CHD1L: variants seen among roughly 807,000 people sequenced by gnomAD.
CHD1L encodes the protein chromodomain helicase DNA binding protein 1 like.
Under a neutral mutation model 115.9 loss-of-function variants are expected in CHD1L, and 118 were observed. The observed-to-expected ratio is 1.02, with a 90% CI of 0.88 to 1.19. The LOEUF (loss-of-function observed/expected upper bound fraction) is 1.19. Among genes scored for constraint, CHD1L ranks in the 50% most tolerant of loss-of-function variants. The pLI is 0.00. For synonymous variants in CHD1L, 411 were observed against 387.1 expected (o/e 1.06, Z -0.72); for missense variants, 1,179 against 1,065.3 (o/e 1.11, Z -1.49).
chr1:147,261,881 A>G (rs1672059112), intron 6 of CHD1L, among the ~76,000 whole-genome samples: 1 of 152,022 alleles, frequency 6.6e-6, no homozygotes, highest in South Asian at 2.1e-4. Flanking sequence ...TCCCCCTAAT[A>G]TTGTTTTCAG....
At chr1:147,219,856 T>TG in the CHD1L span, among the ~76,000 whole-genome samples, 1 of 150,550 alleles carries the variant, frequency 6.6e-6, no homozygotes, top group East Asian at 1.9e-4. Flanking sequence ...TTTTTTTTTT[T>TG]GAGACAGAGT....
In CHD1L at chr1:147,276,346, T is replaced by A; in HGVS notation, c.1539+89T>A. 2.1e-5 allele frequency: 14 copies of A among 674,436 alleles called. No homozygotes were observed. The South Asian group carries it at 2.7e-4, about 13-fold the overall frequency. The allele number at this position is 674,436 out of a possible 1,614,324, so 41.8% of individuals were successfully genotyped here. On this transcript the variant is annotated intron_variant, in intron 14 of 22. Coordinates refer to ENST00000369258, the MANE Select transcript of CHD1L (RefSeq NM_004284.6). ...AAATGAAAAGAACCAGCACTCACCCTCTCCCCAGCTACACATTTGTTCCTT... is the reference window on the plus strand; with the variant it reads ...AAATGAAAAGAACCAGCACTCACCCACTCCCCAGCTACACATTTGTTCCTT...
At chr1:147,188,907 G>A in the CHD1L span, among the ~76,000 whole-genome samples, 1 of 152,100 alleles carries the variant, frequency 6.6e-6, no homozygotes, top group Non-Finnish European at 1.5e-5. Context: ...ACTGCAAGAA[G>A]GAAGAAATGT....
At chr1:147,179,057 G>A in the CHD1L span, 3 of 1,613,778 alleles carry the variant, frequency 1.9e-6, no homozygotes, top group Non-Finnish European at 2.5e-6. Flanking sequence ...TCTGATTTTG[G>A]CTTGGAGAGC....
chr1:147,253,364 A>G lies in CHD1L; in HGVS notation c.240+629A>G, dbSNP rs146000787. Among the ~76,000 whole-genome samples the G allele has an allele frequency of 2.0e-3, 309 of 152,368 alleles. 1 individual carries two copies. Among genetic ancestry groups the G allele is most frequent in the Middle Eastern group, 0.017 (5 of 294 alleles). ...GTTTTAATTCAATAAGCCACTTATTAAAGAATGGTTCCTGGCACAGCTTGG... is the reference window on the plus strand; with the variant it reads ...GTTTTAATTCAATAAGCCACTTATTGAAGAATGGTTCCTGGCACAGCTTGG... On this transcript the variant is annotated intron_variant, in intron 2 of 22. Transcript: ENST00000369258.
chr1:147,232,960 A>G, the CHD1L span, among the ~76,000 whole-genome samples: 1 of 150,422 alleles, frequency 6.6e-6, no homozygotes, highest in Non-Finnish European at 1.5e-5. Flanking sequence ...CTGGCCACCC[A>G]TCGTCTGGGA....
chr1:147,180,319 G>A, the CHD1L span, among the ~76,000 whole-genome samples: 1 of 152,048 alleles, frequency 6.6e-6, no homozygotes, highest in East Asian at 1.9e-4. Context: ...TTGAGACAGA[G>A]TCTTGCTCTG....
the CHD1L span, among the ~76,000 whole-genome samples, chr1:147,187,976 A>G: frequency 6.6e-6 from 1 of 152,196 alleles, no homozygotes; most frequent in Non-Finnish European, 1.5e-5. Context: ...AGTCAAGCCA[A>G]TTGAGATTGA....
chr1:147,197,003 C>G, the CHD1L span, among the ~76,000 whole-genome samples: 1 of 152,170 alleles, frequency 6.6e-6, no homozygotes, highest in East Asian at 1.9e-4. Context: ...AACATATCTT[C>G]TAAACTGGAG....
chr1:147,181,458 C>A, the CHD1L span, among the ~76,000 whole-genome samples: 1 of 152,106 alleles, frequency 6.6e-6, no homozygotes, highest in Non-Finnish European at 1.5e-5. Context: ...CGATTGTTTC[C>A]ATTTTCTTAG....
At chr1:147,185,545 G>A in the CHD1L span, among the ~76,000 whole-genome samples, 1 of 152,106 alleles carries the variant, frequency 6.6e-6, no homozygotes, top group Non-Finnish European at 1.5e-5. Context: ...CGGTGAAAGG[G>A]CCGGCAATTG....
chr1:147,251,047 C>A (rs781971139), intron 1 of CHD1L, among the ~76,000 whole-genome samples: 3 of 152,182 alleles, frequency 2.0e-5, no homozygotes, highest in Non-Finnish European at 4.4e-5. Flanking sequence ...CATTTGCCTT[C>A]CACCATGATT....
intron 15 of CHD1L, 89 bp downstream of exon 15, chr1:147,280,280 G>A: frequency 7.4e-7 from 1 of 1,354,456 alleles, no homozygotes; most frequent in Non-Finnish European, 9.9e-7. Flanking sequence ...GCTGCTCTCT[G>A]GGGCATCTTT....
chr1:147,254,924 C>G lies in CHD1L; in HGVS notation c.295C>G (p.Leu99Val). The G allele has an allele frequency of 6.2e-7, 1 of 1,611,704 alleles. No individual in the cohort carries two copies. The highest frequency in any genetic ancestry group is 1.7e-5 in the Admixed American group (1 of 59,400). The change falls in exon 3 of 23, where the codon CTG (leucine) becomes GTG (valine). Residue 99 changes from leucine to valine, a missense_variant. Physicochemically the swap from Leu to Val is conservative, Grantham distance 32. Transcript: ENST00000369258. Reference protein sequence around the residue: ...AGRLNDEGPFLILCPLSVLSN... With the variant: ...AGRLNDEGPFVILCPLSVLSN... ...AAGATTAAATGATGAAGGGCCATTT[C>G]TGATTCTTTGTCCCTTGTCTGTTTT...
intron 14 of CHD1L, among the ~76,000 whole-genome samples, chr1:147,277,009 A>C (rs1428842297): frequency 6.6e-6 from 1 of 152,184 alleles, no homozygotes; most frequent in Non-Finnish European, 1.5e-5. Flanking sequence ...AAAAGAAGGA[A>C]GGACAGGAGT....
chr1:147,281,061 ATCGC>A (rs1416305846), intron 15 of CHD1L, among the ~76,000 whole-genome samples: 2 of 152,140 alleles, frequency 1.3e-5, no homozygotes, highest in African/African-American at 4.8e-5. Context: ...GTGAATTTCC[ATCGC>A]TCGCTTTCTC....
chr1:147,247,363 T>C (rs1480719262), intron 1 of CHD1L, among the ~76,000 whole-genome samples: 1 of 152,102 alleles, frequency 6.6e-6, no homozygotes, highest in Admixed American at 6.5e-5. Flanking sequence ...AGATTAATGC[T>C]CTCCCTGAGC....
chr1:147,272,113 T>C (rs1317797018), intron 11 of CHD1L, 58 bp from the exon 12 acceptor site: 1 of 1,441,014 alleles, frequency 6.9e-7, no homozygotes, highest in Non-Finnish European at 9.5e-7. Context: ...TAATTTTTTA[T>C]TCCCCAAAGA....
Position 147,276,841 on chromosome 1 carries a change from CATA to C in CHD1L, c.1539+588_1539+590del, listed in dbSNP as rs144680761. On this transcript the variant is annotated intron_variant, in intron 14 of 22. Coordinates refer to ENST00000369258, the MANE Select transcript of CHD1L (RefSeq NM_004284.6). ...CAGCCCTTGGGTTAAAATTAAAACTCATAATATTTCCTGGATGCTTTGTTTTTG... is the reference window on the plus strand; with the variant it reads ...CAGCCCTTGGGTTAAAATTAAAACTCATATTTCCTGGATGCTTTGTTTTTG... 6.6e-5 allele frequency among the ~76,000 whole-genome samples: 10 copies of C among 152,286 alleles called. No homozygotes were observed. The East Asian group carries it at 1.9e-3, about 29-fold the overall frequency.
Sources: gnomAD v4.1 joint callset for allele counts (sites outside exome capture counted in the v4.1 genomes callset) on GRCh38, gnomAD v4.1.1 for gene constraint, MANE v1.5 for transcripts, NCBI Gene and HGNC (gene_info 2026-07-23, HGNC 2026-07-21) for gene names.